Variants in CAMKMT observed in about 807,000 individuals in gnomAD.
CAMKMT encodes the protein CaM KMT.
A neutral mutation model predicts 48.0 loss-of-function variants in CAMKMT; 53 were observed. That is an observed-to-expected ratio of 1.10 (90% CI 0.89 to 1.39). The LOEUF (loss-of-function observed/expected upper bound fraction) is 1.39. CAMKMT is among the 40% of genes most tolerant of loss of function. The probability of loss-of-function intolerance (pLI) is 0.00; values close to 1 mark genes in which losing one functional copy is unlikely to be tolerated. For missense variants in CAMKMT, 428 were observed against 402.7 expected (o/e 1.06, Z -0.54); for synonymous variants, 165 against 152.3 (o/e 1.08, Z -0.61).
intron 2 of CAMKMT, among the ~76,000 whole-genome samples, chr2:44,376,101 A>T (rs1572671919): frequency 6.6e-6 from 1 of 151,850 alleles, no homozygotes; most frequent in African/African-American, 2.4e-5. Context: ...TCCAGGTTCT[A>T]TTAAGGGGCT....
At chr2:44,468,655 A>T (rs1164805766) in intron 3 of CAMKMT, among the ~76,000 whole-genome samples, 2 of 152,192 alleles carry the variant, frequency 1.3e-5, no homozygotes, top group Non-Finnish European at 2.9e-5. Flanking sequence ...GTGGTGGCTT[A>T]TGCCTGTAAT....
chr2:44,562,714 C>G (rs893524418), intron 3 of CAMKMT, among the ~76,000 whole-genome samples: 1 of 152,160 alleles, frequency 6.6e-6, no homozygotes, highest in Admixed American at 6.5e-5. Flanking sequence ...ATGCCTGCCA[C>G]CACACCCAGC....
rs541010080 is a variant in CAMKMT, at chr2:44,362,148, A to G, written c.138+3A>G. ...CCCGGTGGAAGCTCCTGCGGCAGGT[A>G]AGGGAGAACCTGCTCGCCTCACCTT... On this transcript the variant is annotated splice_donor_region_variant and intron_variant, in intron 1 of 10. Transcript: ENST00000378494. 1 of 1,469,944 alleles carries G rather than the reference A, an allele frequency of 6.8e-7. No individual in the cohort carries two copies. Among genetic ancestry groups the G allele is most frequent in the Non-Finnish European group, 8.9e-7 (1 of 1,122,836 alleles). 91.1% of individuals were successfully genotyped at this position (1,469,944 alleles called of 1,614,324 possible).
chr2:44,737,754 TTC>T (rs140977311), intron 7 of CAMKMT, among the ~76,000 whole-genome samples: 85 of 148,632 alleles, frequency 5.7e-4, no homozygotes, highest in Middle Eastern at 3.5e-3. Flanking sequence ...CTCTCTCTCT[TTC>T]TCTCTCTCTC....
intron 3 of CAMKMT, among the ~76,000 whole-genome samples, chr2:44,689,256 G>A (rs1174899658): frequency 7.7e-6 from 1 of 130,322 alleles, no homozygotes; most frequent in Admixed American, 7.5e-5. Context: ...ACATGACCCA[G>A]CACTATTTTT....
intron 3 of CAMKMT, among the ~76,000 whole-genome samples, chr2:44,533,048 A>T (rs892025539): frequency 6.6e-6 from 1 of 151,936 alleles, no homozygotes. Context: ...TCCTGACTTC[A>T]GGTGATTCAC....
At chr2:44,583,275 C>G (rs528896598) in intron 3 of CAMKMT, among the ~76,000 whole-genome samples, 1 of 152,248 alleles carries the variant, frequency 6.6e-6, no homozygotes, top group East Asian at 1.9e-4. Flanking sequence ...GAGCAAGACA[C>G]ACACACAGTC....
chr2:44,614,064 C>T (rs374205427), intron 3 of CAMKMT, among the ~76,000 whole-genome samples: 3 of 152,004 alleles, frequency 2.0e-5, no homozygotes, highest in Non-Finnish European at 4.4e-5. Flanking sequence ...TCCAGAAAAC[C>T]TATAATGCTT....
intron 2 of CAMKMT, among the ~76,000 whole-genome samples, chr2:44,384,386 A>T (rs1351706563): frequency 2.0e-5 from 3 of 151,536 alleles, no homozygotes; most frequent in Non-Finnish European, 4.4e-5. Context: ...GGCCTTTGTC[A>T]GATGTTTAGA....
In CAMKMT at chr2:44,564,130, A is replaced by G. The variant is rs17032373; in HGVS notation, c.377-140153A>G. 8.6e-3 allele frequency among the ~76,000 whole-genome samples: 1,306 copies of G among 151,606 alleles called. 15 individuals carry two copies. The highest frequency in any genetic ancestry group is 0.024 in the African/African-American group (1,004 of 41,306). On this transcript the variant is annotated intron_variant, in intron 3 of 10. Coordinates refer to ENST00000378494, the MANE Select transcript of CAMKMT (RefSeq NM_024766.5). ...GTTCCTATTTAGAGTCATTAGTTTC[A>G]TATTATTTATACAGTTGGGGTTCAA...
intron 3 of CAMKMT, among the ~76,000 whole-genome samples, chr2:44,632,622 G>T (rs558772265): frequency 6.6e-6 from 1 of 152,256 alleles, no homozygotes; most frequent in East Asian, 1.9e-4. Flanking sequence ...CAACTTGGTT[G>T]GATTGAAAGA....
chr2:44,683,616 C>T (rs565329959), intron 3 of CAMKMT, among the ~76,000 whole-genome samples: 1 of 151,898 alleles, frequency 6.6e-6, no homozygotes, highest in Admixed American at 6.5e-5. Context: ...GTCAGGAGAT[C>T]AAGACCATCC....
intron 3 of CAMKMT, among the ~76,000 whole-genome samples, chr2:44,538,270 G>A (rs1666891280): frequency 6.6e-6 from 1 of 151,834 alleles, no homozygotes; most frequent in Admixed American, 6.6e-5. Flanking sequence ...TCGGGAAGCT[G>A]AGGCAGAGAA....
intron 3 of CAMKMT, among the ~76,000 whole-genome samples, chr2:44,629,095 A>G (rs566025777): frequency 1.3e-5 from 2 of 152,344 alleles, no homozygotes; most frequent in South Asian, 4.1e-4. Flanking sequence ...TTGCTCTGCC[A>G]ATTACTGAGA....
intron 3 of CAMKMT, chr2:44,393,398 A>G (rs1290314757): frequency 6.6e-6 from 1 of 152,236 alleles, no homozygotes; most frequent in Non-Finnish European, 1.5e-5. Context: ...GGAATCTCGT[A>G]CAGAATGAAT....
chr2:44,725,216 A>G (rs1476521943), intron 7 of CAMKMT, among the ~76,000 whole-genome samples: 2 of 150,222 alleles, frequency 1.3e-5, no homozygotes, highest in African/African-American at 4.9e-5. Flanking sequence ...TCGGTCTTAC[A>G]TACATTCTTC....
chr2:44,726,234 A>G (rs939788022), intron 7 of CAMKMT, among the ~76,000 whole-genome samples: 1 of 152,236 alleles, frequency 6.6e-6, no homozygotes, highest in African/African-American at 2.4e-5. Flanking sequence ...GAACTAATTT[A>G]CATTCCTATC....
chr2:44,668,589 C>G (rs1046911729), intron 3 of CAMKMT, among the ~76,000 whole-genome samples: 1 of 151,998 alleles, frequency 6.6e-6, no homozygotes, highest in Non-Finnish European at 1.5e-5. Context: ...GTTCTATTGC[C>G]TCACCTCCAG....
In CAMKMT at chr2:44,745,174, T is replaced by C. The variant is rs551532315; in HGVS notation, c.698+1478T>C. 4.6e-5 allele frequency among the ~76,000 whole-genome samples: 7 copies of C among 152,280 alleles called. No individual in the cohort carries two copies. The South Asian group carries it at 1.2e-3, about 27-fold the overall frequency. On this transcript the variant is annotated intron_variant, in intron 8 of 10. Coordinates refer to ENST00000378494, the MANE Select transcript of CAMKMT (RefSeq NM_024766.5). ...CAAAAGGGAAGGGGCAGCATCTTCC[T>C]GAAGCTTTAGACAAGGGTCACACGT...
Sources: allele counts gnomAD v4.1 joint callset (sites outside exome capture counted in the v4.1 genomes callset), GRCh38; gene constraint gnomAD v4.1.1; transcripts MANE v1.5; gene names NCBI Gene and HGNC (gene_info 2026-07-23, HGNC 2026-07-21).